The following ADAMTSL2 variants were observed in gnomAD, a reference collection of about 807,000 sequenced individuals.
ADAMTSL2 encodes ADAMTS-like protein 2.
In ADAMTSL2, 55 loss-of-function variants were observed where a neutral mutation model predicts 117.0. That is an observed-to-expected ratio of 0.47 (90% confidence interval 0.38 to 0.59). The LOEUF is 0.59. ADAMTSL2 is among the 20% of genes least tolerant of loss of function. ADAMTSL2 has a pLI of 0.00. For synonymous variants in ADAMTSL2, 572 were observed against 566.4 expected (o/e 1.01, Z -0.14); for missense variants, 1,182 against 1,354.5 (o/e 0.87, Z 2.00).
chr9:133,571,156 C>T (rs1408721287), intron 17 of ADAMTSL2, among the ~76,000 whole-genome samples: 1 of 152,216 alleles, frequency 6.6e-6, no homozygotes, highest in Non-Finnish European at 1.5e-5. Flanking sequence ...TGTGGCAACC[C>T]TCACCCAGTT....
intron 1 of ADAMTSL2, among the ~76,000 whole-genome samples, chr9:133,536,361 T>G (rs1433847861): frequency 6.6e-6 from 1 of 152,224 alleles, no homozygotes; most frequent in Admixed American, 6.5e-5. Context: ...GCTGGCTGTC[T>G]CCACAGCCCT....
rs1180879190 is a variant in ADAMTSL2, at chr9:133,574,012, G to A, written c.2737+25G>A. ...GGTGAGGCGCGGGGAGGCCGAGGGT[G>A]GCTCTGGGAATTCCCAGGGGAGGCG... On this transcript the variant is annotated intron_variant, in intron 18 of 18. Transcript: ENST00000651351. 21 of 1,602,728 alleles carry A rather than the reference G, an allele frequency of 1.3e-5. No homozygotes were observed. In the African/African-American group the frequency reaches 2.4e-4, roughly 18 times the overall value.
chr9:133,540,550 G>T (rs1564494202), intron 5 of ADAMTSL2, 48 bp from the exon 6 acceptor site: 2 of 1,606,166 alleles, frequency 1.2e-6, no homozygotes, highest in South Asian at 1.1e-5. Flanking sequence ...TCTGAATCCG[G>T]CATTTCCTGC....
At chr9:133,543,267 C>T (rs924213145) in intron 7 of ADAMTSL2, among the ~76,000 whole-genome samples, 3 of 152,242 alleles carry the variant, frequency 2.0e-5, no homozygotes, top group Non-Finnish European at 4.4e-5. Context: ...GGGTGTGCTG[C>T]AGCCTCTCTT....
At chr9:133,569,599 G>A (rs1040264742) in intron 16 of ADAMTSL2, 21 bp downstream of exon 16, 27 of 1,554,572 alleles carry the variant, frequency 1.7e-5, no homozygotes, top group East Asian at 9.6e-5. Flanking sequence ...CAGAGCCCGC[G>A]GAAGGGCCTC....
At position 133,554,507 on chromosome 9, in the gene ADAMTSL2, G is replaced by A. The variant is rs35767802; in HGVS notation, c.1090G>A (p.Val364Ile). 391,962 of 1,550,028 alleles carry A rather than the reference G, an allele frequency of 0.25. 50,937 individuals are homozygous for A. Among genetic ancestry groups the A allele is most frequent in the East Asian group, 0.41 (16,816 of 41,102 alleles). The stretch of plus-strand genomic sequence containing the variant: ...GGACGGGGCCGGGCTGATGGGCTTC[G>A]TCCCGCACAACGGCTCCCTCTACGG... ...GLDGAGLMGF[V>I]PHNGSLYGQA... The change falls in exon 10 of 19, where the codon GTC (valine) becomes ATC (isoleucine). Residue 364 changes from valine to isoleucine, a missense_variant. Physicochemically the swap from Val to Ile is conservative, Grantham distance 29 (BLOSUM62 3). Transcript: ENST00000651351. This position sits in a 1 kb window ranked among gnomAD's most constrained non-coding sequence, Gnocchi z 5.2.
intron 9 of ADAMTSL2, among the ~76,000 whole-genome samples, chr9:133,550,690 G>C (rs1830461441): frequency 8.7e-6 from 1 of 114,606 alleles, no homozygotes. Context: ...CCAGAGACTG[G>C]ACGTTCAGGA....
intron 12 of ADAMTSL2, among the ~76,000 whole-genome samples, chr9:133,563,854 A>AGG (rs1830817596): frequency 3.5e-5 from 3 of 85,836 alleles, no homozygotes; most frequent in East Asian, 6.3e-4. Context: ...GGAGAGAGAG[A>AGG]GAGAGAGAGG....
upstream of ADAMTSL2, chr9:133,534,659 C>G (rs1435275928): frequency 3.8e-6 from 5 of 1,329,562 alleles, no homozygotes; most frequent in Admixed American, 8.1e-5. Flanking sequence ...TGTTCCTCCC[C>G]GTCTGCCTGA....
chr9:133,547,035 C>G lies in ADAMTSL2; in HGVS notation c.764-3C>G. 1 of 1,613,754 alleles carries G rather than the reference C, an allele frequency of 6.2e-7. No individual in the cohort carries two copies. Among genetic ancestry groups the G allele is most frequent in the Non-Finnish European group, 8.5e-7 (1 of 1,179,748 alleles). On this transcript the variant is annotated splice_polypyrimidine_tract_variant and splice_region_variant and intron_variant, in intron 8 of 18. Transcript: ENST00000651351. ...TTTGTGACCGGCGGCTTTGCCCTTC[C>G]AGCTCTTGCAGACGAAGCTGGCTAC...
chr9:133,564,768 C>G (rs979246580), intron 12 of ADAMTSL2, among the ~76,000 whole-genome samples: 11 of 150,836 alleles, frequency 7.3e-5, no homozygotes, highest in Non-Finnish European at 1.2e-4. Flanking sequence ...GGGAGAGTTC[C>G]CTGTCACTGT....
At chr9:133,551,524 G>A (rs552981662) in intron 9 of ADAMTSL2, among the ~76,000 whole-genome samples, 13 of 152,326 alleles carry the variant, frequency 8.5e-5, no homozygotes, top group Admixed American at 3.3e-4. Flanking sequence ...CTGATGTCCC[G>A]TAGCCCAAGT....
At chr9:133,545,250 G>C (rs1364396703) in intron 8 of ADAMTSL2, among the ~76,000 whole-genome samples, 3 of 152,258 alleles carry the variant, frequency 2.0e-5, no homozygotes, top group African/African-American at 7.2e-5. Context: ...CTCTGTGCTC[G>C]GCCCTTCCCT....
At chr9:133,574,195 G>C (rs1482869937) in intron 18 of ADAMTSL2, among the ~76,000 whole-genome samples, 4 of 152,200 alleles carry the variant, frequency 2.6e-5, no homozygotes, top group Admixed American at 2.6e-4. Flanking sequence ...GAATGGGGGA[G>C]GCCTGACTGG....
rs1236270074 is a variant in ADAMTSL2 at position 133,569,329 on chromosome 9, C to T, written c.2245-79C>T. On this transcript the variant is annotated intron_variant, in intron 15 of 18. Coordinates refer to ENST00000651351, the MANE Select transcript of ADAMTSL2 (RefSeq NM_014694.4). ...ACACTGCCTGGGAGCCACTCCTCTC[C>T]CTTGGGACTGACATCCAGGGCCCCT... 38 of 1,489,724 alleles carry T rather than the reference C, an allele frequency of 2.6e-5. No homozygotes were observed. The African/African-American group carries it at 3.9e-4, about 15-fold the overall frequency. 92.3% of individuals were successfully genotyped at this position (1,489,724 alleles called of 1,614,324 possible). A position where few individuals can be genotyped will look rare whatever the true frequency, so the allele number is the denominator to read the frequency against.
chr9:133,574,117 G>C, intron 18 of ADAMTSL2, 130 bp downstream of exon 18: 1 of 1,267,722 alleles, frequency 7.9e-7, no homozygotes, highest in Non-Finnish European at 1.1e-6. Flanking sequence ...GAGAGACCAA[G>C]CTGTGCAGGG....
chr9:133,567,990 C>T (rs370596173), intron 13 of ADAMTSL2, among the ~76,000 whole-genome samples: 20 of 152,244 alleles, frequency 1.3e-4, no homozygotes, highest in Admixed American at 5.9e-4. Context: ...GCACAGCCAC[C>T]TGTGTGACAC....
At position 133,570,419 on chromosome 9, in the gene ADAMTSL2, C is replaced by G. The variant is rs1831078405; in HGVS notation, c.2504C>G (p.Pro835Arg). The change falls in exon 17 of 19, where the codon CCC becomes CGC. Residue 835 changes from proline (P) to arginine (R), a missense_variant. Physicochemically the swap from Pro to Arg is moderately radical, Grantham distance 103. Coordinates refer to ENST00000651351, the MANE Select transcript of ADAMTSL2 (RefSeq NM_014694.4). ...ANGKPQTRSGPECGLAKKPPE... is the reference protein window; with the variant it reads ...ANGKPQTRSGRECGLAKKPPE... The stretch of plus-strand genomic sequence containing the variant: ...GGGAAGCCGCAGACGCGCAGTGGCC[C>G]CGAGTGCGGGCTCGCCAAGAAGCCT... The G allele has an allele frequency of 6.2e-7, 1 of 1,600,212 alleles. No homozygotes were observed. The highest frequency in any genetic ancestry group is 8.5e-7 in the Non-Finnish European group (1 of 1,174,370).
intron 1 of ADAMTSL2, among the ~76,000 whole-genome samples, chr9:133,535,662 C>T (rs1439857946): frequency 6.6e-6 from 1 of 152,170 alleles, no homozygotes; most frequent in Admixed American, 6.5e-5. Flanking sequence ...TAGTGTGCTA[C>T]CTTGCTGTGT....
Sources: allele counts gnomAD v4.1 joint callset (sites outside exome capture counted in the v4.1 genomes callset), GRCh38; gene constraint gnomAD v4.1.1; non-coding constraint Gnocchi (gnomAD v3.1); transcripts MANE v1.5; gene names NCBI Gene and HGNC (gene_info 2026-07-23, HGNC 2026-07-21).